The following SLC6A20 variants were observed in gnomAD, a reference collection of about 807,000 sequenced individuals.
The protein encoded by SLC6A20 is sodium- and chloride-dependent transporter XTRP3.
In SLC6A20, 73 loss-of-function variants were observed where a neutral mutation model predicts 64.3. That is an observed-to-expected ratio of 1.14 (90% CI 0.94 to 1.38). The LOEUF is 1.38. SLC6A20 is among the 40% of genes most tolerant of loss of function. SLC6A20 has a pLI of 0.00. For missense variants in SLC6A20, 725 were observed against 772.8 expected (o/e 0.94, Z 0.73); for synonymous variants, 347 against 329.6 (o/e 1.05, Z -0.57).
Position 45,755,828 on chromosome 3 carries a change from G to GT in SLC6A20, c.*3149dup, listed in dbSNP as rs369984074. The GT allele has an allele frequency of 7.9e-5, 12 of 152,716 alleles. No individual in the cohort carries two copies. In the East Asian group the frequency reaches 2.3e-3, roughly 29 times the overall value. 9.5% of individuals were successfully genotyped at this position (152,716 alleles called of 1,614,324 possible). On this transcript the variant is annotated 3_prime_UTR_variant, in exon 11 of 11. Coordinates refer to ENST00000358525, the MANE Select transcript of SLC6A20 (RefSeq NM_020208.4). ...ATTTTCATCTGGAGCACATTATTCT[G>GT]TAACAGTGGTGCTTCATCTGTTTGA... is the stretch of plus-strand genomic sequence containing the variant.
chr3:45,787,549 G>C (rs1700190336), intron 1 of SLC6A20, among the ~76,000 whole-genome samples: 2 of 152,214 alleles, frequency 1.3e-5, no homozygotes, highest in African/African-American at 2.4e-5. Context: ...GAGAGCCAGA[G>C]TCCATTGAAT....
chr3:45,787,904 G>A (rs766048648), intron 1 of SLC6A20, among the ~76,000 whole-genome samples: 3 of 152,168 alleles, frequency 2.0e-5, no homozygotes, highest in Non-Finnish European at 2.9e-5. Context: ...CTGTCCATGT[G>A]TTTTCTCTTC....
At chr3:45,782,880 C>T (rs1700120844) in intron 1 of SLC6A20, among the ~76,000 whole-genome samples, 1 of 152,212 alleles carries the variant, frequency 6.6e-6, no homozygotes, top group Non-Finnish European at 1.5e-5. Context: ...TTCTCAATGC[C>T]TCCACTGTCC....
At chr3:45,795,165 A>G (rs1296662629) in intron 1 of SLC6A20, among the ~76,000 whole-genome samples, 1 of 152,218 alleles carries the variant, frequency 6.6e-6, no homozygotes, top group African/African-American at 2.4e-5. Context: ...ACACACGACA[A>G]GGTAAACAAA....
At chr3:45,789,463 C>G in intron 1 of SLC6A20, among the ~76,000 whole-genome samples, 1 of 152,132 alleles carries the variant, frequency 6.6e-6, no homozygotes, top group Non-Finnish European at 1.5e-5. Flanking sequence ...CAGCATAAAA[C>G]TTTACGTGAC....
chr3:45,775,732 C>T, intron 4 of SLC6A20, 29 bp downstream of exon 4: 1 of 1,596,364 alleles, frequency 6.3e-7, no homozygotes, highest in Non-Finnish European at 8.5e-7. Context: ...CCACCAGGAG[C>T]ACCGGGCTTC....
At position 45,758,568 on chromosome 3, in the gene SLC6A20, CCTT is replaced by C; in HGVS notation, c.*407_*409del. ...AGGTCATCTTAGGCACTTCAAAACT[CCTT>C]AAATGGATCTAAAAATATTTGTCCT... On this transcript the variant is annotated 3_prime_UTR_variant, in exon 11 of 11. Coordinates refer to ENST00000358525, the MANE Select transcript of SLC6A20 (RefSeq NM_020208.4). The C allele has an allele frequency of 3.6e-6, 4 of 1,110,540 alleles. No homozygotes were observed. The highest frequency in any genetic ancestry group is 4.4e-6 in the Non-Finnish European group (4 of 901,854). The allele number at this position is 1,110,540 out of a possible 1,614,324, so 68.8% of individuals were successfully genotyped here.
In SLC6A20 at chr3:45,760,002, G is replaced by T; in HGVS notation, c.1484C>A (p.Ala495Asp). Residue 495 changes from alanine (A) to aspartate (D), a missense_variant, in exon 10 of 11, where the codon GCC becomes GAC. Transcript: ENST00000358525. ...GLRRFESDLK[A>D]MTGRAVSWYW... ...CCAGCTCACAGCTCGGCCGGTCATG[G>T]CCTTAAGGTCACTTTCAAATCTATT... 6.2e-7 allele frequency: 1 copy of T among 1,611,126 alleles called. No homozygotes were observed. Among genetic ancestry groups the T allele is most frequent in the East Asian group, 2.2e-5 (1 of 44,864 alleles).
intron 7 of SLC6A20, among the ~76,000 whole-genome samples, chr3:45,766,220 C>A: frequency 1.3e-5 from 2 of 152,052 alleles, no homozygotes; most frequent in East Asian, 3.9e-4. Context: ...AACTCTGTTG[C>A]GGAAATGTTA....
intron 5 of SLC6A20, chr3:45,771,814 G>T (rs1397678118): frequency 3.3e-6 from 1 of 302,068 alleles, no homozygotes; most frequent in Non-Finnish European, 6.2e-6. Context: ...ATGGAATACT[G>T]CAGGGTAAAA....
intron 2 of SLC6A20, among the ~76,000 whole-genome samples, chr3:45,781,743 G>A: frequency 6.6e-6 from 1 of 152,166 alleles, no homozygotes; most frequent in East Asian, 1.9e-4. Flanking sequence ...GGGAGAAGTT[G>A]GTGAGTTTCC....
intron 1 of SLC6A20, among the ~76,000 whole-genome samples, chr3:45,785,777 C>G (rs1700160946): frequency 6.6e-6 from 1 of 152,206 alleles, no homozygotes; most frequent in Non-Finnish European, 1.5e-5. Context: ...GAGGTGGAGT[C>G]TATTCCCCAC....
In SLC6A20 at chr3:45,787,026, C is replaced by T. The variant is rs371948357; in HGVS notation, c.122-4803G>A. ...GCCCTCCAGGCAGGTCTTTGTGATT[C>T]CACCCTCCAGTCCCCTCCCTGCAGT... On this transcript the variant is annotated intron_variant, in intron 1 of 10. Transcript: ENST00000358525. Among the ~76,000 whole-genome samples, 753 of 152,344 alleles carry T rather than the reference C, an allele frequency of 4.9e-3. 50 individuals are homozygous for T. In the South Asian group the frequency reaches 0.14, roughly 29 times the overall value.
At position 45,765,428 on chromosome 3, in the gene SLC6A20, C is replaced by T. The variant is rs1416510784; in HGVS notation, c.1303+109G>A. 1.6e-6 allele frequency: 2 copies of T among 1,249,766 alleles called. No homozygotes were observed. Among genetic ancestry groups the T allele is most frequent in the Non-Finnish European group, 2.2e-6 (2 of 898,816 alleles). 77.4% of individuals were successfully genotyped at this position (1,249,766 alleles called of 1,614,324 possible). A position where few individuals can be genotyped will look rare whatever the true frequency, so the allele number is the denominator to read the frequency against. ...GACCGTGGTGAGGTGGCTGCAACCC[C>T]CTGTAGCCACCTGAACCAGCCCATG... is the stretch of plus-strand genomic sequence containing the variant. On this transcript the variant is annotated intron_variant, in intron 8 of 10. Transcript: ENST00000358525. This position sits in a 1 kb window ranked among gnomAD's most constrained non-coding sequence, Gnocchi z 4.2.
chr3:45,759,256 TG>T, intron 10 of SLC6A20, 129 bp from the exon 11 acceptor site: 1 of 958,004 alleles, frequency 1.0e-6, no homozygotes, highest in Non-Finnish European at 1.5e-6. Flanking sequence ...TCCTCACTCC[TG>T]GGGCCACGGG....
chr3:45,777,913 A>T (rs369596388), intron 3 of SLC6A20, among the ~76,000 whole-genome samples: 1 of 151,976 alleles, frequency 6.6e-6, no homozygotes, highest in Non-Finnish European at 1.5e-5. Flanking sequence ...CTCTGATTTC[A>T]TCTGTTTGGG....
intron 1 of SLC6A20, among the ~76,000 whole-genome samples, chr3:45,792,521 G>C (rs753200414): frequency 6.6e-6 from 1 of 152,198 alleles, no homozygotes; most frequent in Non-Finnish European, 1.5e-5. Context: ...TGGAAAACTT[G>C]GGTGAGCAGC....
At chr3:45,771,675 G>T in intron 5 of SLC6A20, 1 of 688,680 alleles carries the variant, frequency 1.5e-6, no homozygotes, top group Non-Finnish European at 2.4e-6. Context: ...GGGCTAAGGT[G>T]CTGTGGAGAA....
chr3:45,765,802 C>A lies in SLC6A20; in HGVS notation c.1099-61G>T. On this transcript the variant is annotated intron_variant, in intron 7 of 10. Transcript: ENST00000358525. This position sits in a 1 kb window ranked among gnomAD's most constrained non-coding sequence, Gnocchi z 4.2. ...AGGGACTTATAGTCTTATTCACGCA[C>A]TCAGTACTAAGCAACATGGGGGACC... The A allele has an allele frequency of 6.3e-7, 1 of 1,583,038 alleles. No individual in the cohort carries two copies. Among genetic ancestry groups the A allele is most frequent in the Non-Finnish European group, 8.7e-7 (1 of 1,155,552 alleles).
Sources: allele counts gnomAD v4.1 joint callset (sites outside exome capture counted in the v4.1 genomes callset), GRCh38; gene constraint gnomAD v4.1.1; non-coding constraint Gnocchi (gnomAD v3.1); transcripts MANE v1.5; gene names NCBI Gene and HGNC (gene_info 2026-07-23, HGNC 2026-07-21).